Variants in MPP4 observed in about 807,000 individuals in gnomAD.
The protein encoded by MPP4 is MAGUK p55 subfamily member 4.
Under a neutral mutation model 98.3 loss-of-function variants are expected in MPP4, and 91 were observed. The ratio of observed to expected loss-of-function variants is 0.93; its 90% CI spans 0.78 to 1.10. The LOEUF (loss-of-function observed/expected upper bound fraction) is 1.10, where lower values mean the gene tolerates loss of function less well. MPP4 is among the 50% of genes least tolerant of loss of function. The pLI, the probability that MPP4 is intolerant of heterozygous loss-of-function variation, is 0.00. For missense variants in MPP4, 744 were observed against 792.9 expected (o/e 0.94, Z 0.74); for synonymous variants, 261 against 271.8 (o/e 0.96, Z 0.39).
At chr2:201,697,749 A>G (rs1689232941) in intron 1 of MPP4, among the ~76,000 whole-genome samples, 1 of 152,152 alleles carries the variant, frequency 6.6e-6, no homozygotes, top group Admixed American at 6.5e-5. Flanking sequence ...AAACTTTAAA[A>G]CTGGGGGCAG....
At chr2:201,668,442 CTCTCTCTT>C (rs1428620485) in intron 12 of MPP4, among the ~76,000 whole-genome samples, 2 of 147,004 alleles carry the variant, frequency 1.4e-5, no homozygotes, top group African/African-American at 5.3e-5. Context: ...CAATCGATCT[CTCTCTCTT>C]TCTCTTCTCT....
chr2:201,649,048 A>C (rs1229908486), intron 20 of MPP4, among the ~76,000 whole-genome samples: 2 of 152,148 alleles, frequency 1.3e-5, no homozygotes, highest in Admixed American at 6.6e-5. Flanking sequence ...TGGATGACAG[A>C]GCAGGGCCTT....
intron 14 of MPP4, chr2:201,662,119 C>G: frequency 2.8e-6 from 1 of 354,366 alleles, no homozygotes; most frequent in Non-Finnish European, 5.5e-6. Context: ...CATCTCTCTA[C>G]TTTTATGAAA....
At chr2:201,681,160 T>C in intron 9 of MPP4, 126 bp from the exon 10 acceptor site, 2 of 968,700 alleles carry the variant, frequency 2.1e-6, no homozygotes, top group East Asian at 5.3e-5. Context: ...CTCCTATCTT[T>C]CCTCTCCACC....
At chr2:201,649,248 C>T (rs2105910574) in intron 20 of MPP4, among the ~76,000 whole-genome samples, 1 of 152,328 alleles carries the variant, frequency 6.6e-6, no homozygotes, top group Non-Finnish European at 1.5e-5. Context: ...AGAAACCTCA[C>T]CTCCTTGTAC....
chr2:201,698,519 G>T, intron 1 of MPP4, 68 bp downstream of exon 1: 2 of 1,221,910 alleles, frequency 1.6e-6, no homozygotes, highest in South Asian at 2.6e-5. Flanking sequence ...ATTAAAAACT[G>T]ACAGGCAAGC....
At chr2:201,664,404 A>ACCCCACACGCC in intron 13 of MPP4, 1 of 1,270,714 alleles carries the variant, frequency 7.9e-7, no homozygotes, top group Non-Finnish European at 1.0e-6. Context: ...AGGGAAGGGG[A>ACCCCACACGCC]AAGTGGAATG....
chr2:201,647,915 G>A, intron 20 of MPP4, 90 bp from the exon 21 acceptor site: 1 of 1,284,840 alleles, frequency 7.8e-7, no homozygotes, highest in Non-Finnish European at 1.1e-6. Context: ...GAGTGCTGTG[G>A]TGCAATCACA....
chr2:201,663,260 T>C (rs1177356607), intron 14 of MPP4, among the ~76,000 whole-genome samples: 3 of 152,308 alleles, frequency 2.0e-5, no homozygotes, highest in South Asian at 2.1e-4. Context: ...ATTCAGAAGA[T>C]ACGTGGGTCA....
At chr2:201,682,938 A>G (rs1037667518) in intron 7 of MPP4, 22 bp from the exon 8 acceptor site, 86 of 1,593,122 alleles carry the variant, frequency 5.4e-5, no homozygotes, top group Non-Finnish European at 6.8e-5. Flanking sequence ...GTAACAAAAA[A>G]CAAAGAAAGA....
chr2:201,650,935 A>G (rs1307705849), intron 18 of MPP4: 1 of 985,300 alleles, frequency 1.0e-6, no homozygotes, highest in East Asian at 1.1e-4. Flanking sequence ...TTCATCAAAT[A>G]TCTAAAAGTT....
intron 10 of MPP4, 113 bp downstream of exon 10, chr2:201,680,725 T>G: frequency 1.1e-6 from 1 of 893,508 alleles, no homozygotes; most frequent in South Asian, 1.8e-5. Context: ...TGTGTGTGTG[T>G]TCATTCATCT....
intron 3 of MPP4, among the ~76,000 whole-genome samples, chr2:201,690,760 G>A (rs182154979): frequency 1.3e-5 from 2 of 152,134 alleles, no homozygotes; most frequent in South Asian, 2.1e-4. Flanking sequence ...TGCCACAAAC[G>A]CTTCTCTGTA....
rs1687703932 is a variant in MPP4, at chr2:201,651,178, A to G, written c.1382-1013T>C. The G allele has an allele frequency of 3.0e-6, 3 of 985,458 alleles. No homozygotes were observed. In the South Asian group the frequency reaches 1.4e-4, roughly 46 times the overall value. 61.0% of individuals were successfully genotyped at this position (985,458 alleles called of 1,614,324 possible). On this transcript the variant is annotated intron_variant, in intron 18 of 21. Transcript: ENST00000409474. ...TAAGGATGAAATAGATCAACATCTG[A>G]TGATATCAATACATGGAAATGATCA...
chr2:201,676,111 T>C (rs957513647), intron 10 of MPP4, among the ~76,000 whole-genome samples: 8 of 152,228 alleles, frequency 5.3e-5, no homozygotes, highest in African/African-American at 9.6e-5. Context: ...TCTGAGGTGT[T>C]TGTTAAAATG....
Position 201,658,516 on chromosome 2 carries a change from T to C in MPP4, c.1090A>G (p.Lys364Glu). The C allele has an allele frequency of 6.2e-7, 1 of 1,612,682 alleles. No homozygotes were observed. Among genetic ancestry groups the C allele is most frequent in the South Asian group, 1.1e-5 (1 of 90,674 alleles). The part of the protein sequence containing the change: ...TFESEELSED[K>E]EEFVGYGQKF... ...TGACCGTAGCCAACAAACTCCTCCTTGTCTGAAACACAAAGAACAGATGGA... is the reference window on the plus strand; with the variant it reads ...TGACCGTAGCCAACAAACTCCTCCTCGTCTGAAACACAAAGAACAGATGGA... The change falls in exon 16 of 22, where the codon AAG (lysine) becomes GAG (glutamate). Residue 364 changes from lysine to glutamate, a missense_variant and splice_region_variant. By Grantham distance (56) the Lys-to-Glu change is moderately conservative (BLOSUM62 1). Transcript: ENST00000409474.
intron 12 of MPP4, among the ~76,000 whole-genome samples, chr2:201,667,247 C>T (rs562098136): frequency 1.4e-3 from 213 of 152,338 alleles, no homozygotes; most frequent in Non-Finnish European, 2.0e-3. Context: ...CTCTCCTTCA[C>T]GCATCTTACG....
At chr2:201,650,949 T>A in intron 18 of MPP4, 1 of 985,426 alleles carries the variant, frequency 1.0e-6, no homozygotes, top group South Asian at 4.7e-5. Flanking sequence ...AAAAGTTATT[T>A]GTTGTCTGCT....
intron 4 of MPP4, among the ~76,000 whole-genome samples, chr2:201,689,096 G>A (rs1042863908): frequency 6.6e-6 from 1 of 152,134 alleles, no homozygotes; most frequent in Non-Finnish European, 1.5e-5. Context: ...GGGAGGCCAA[G>A]GTGGGCAGAT....
Sources: allele counts gnomAD v4.1 joint callset (sites outside exome capture counted in the v4.1 genomes callset), GRCh38; gene constraint gnomAD v4.1.1; transcripts MANE v1.5; gene names NCBI Gene and HGNC (gene_info 2026-07-23, HGNC 2026-07-21).